PCDHA10: variants seen among roughly 807,000 people sequenced by gnomAD.
The protein encoded by PCDHA10 is protocadherin alpha-10.
PCDHA10 carries 45 observed loss-of-function variants against 61.2 expected under a neutral mutation model. That is an observed-to-expected ratio of 0.74 (90% CI 0.58 to 0.94). PCDHA10 has a LOEUF of 0.94. PCDHA10 is among the 40% of genes least tolerant of loss of function. The pLI, the probability that PCDHA10 is intolerant of heterozygous loss-of-function variation, is 0.00. For missense variants in PCDHA10, 1,278 were observed against 1,236.2 expected (o/e 1.03, Z -0.51); for synonymous variants, 602 against 548.8 (o/e 1.10, Z -1.35).
intron 1 of PCDHA10, among the ~76,000 whole-genome samples, chr5:140,956,898 T>G (rs1554222699): frequency 6.6e-6 from 1 of 152,218 alleles, no homozygotes; most frequent in Admixed American, 6.6e-5. Flanking sequence ...ATGAATATTC[T>G]TAAATGTATA....
chr5:140,901,970 G>A (rs1178784932), intron 1 of PCDHA10, among the ~76,000 whole-genome samples: 1 of 151,954 alleles, frequency 6.6e-6, no homozygotes, highest in Non-Finnish European at 1.5e-5. Context: ...TCGTAAATGG[G>A]ATTACTTTTT....
intron 1 of PCDHA10, among the ~76,000 whole-genome samples, chr5:140,932,087 A>G (rs1262295013): frequency 6.6e-6 from 1 of 151,918 alleles, no homozygotes; most frequent in African/African-American, 2.4e-5. Flanking sequence ...TCAGGAAAAC[A>G]TGGTTTTTAT....
intron 1 of PCDHA10, chr5:140,967,890 C>G: frequency 6.2e-7 from 1 of 1,614,176 alleles, no homozygotes; most frequent in Non-Finnish European, 8.5e-7. Context: ...AGCCCAGTGC[C>G]TGAGAATGCT....
chr5:140,949,764 G>A (rs1168507534), intron 1 of PCDHA10, among the ~76,000 whole-genome samples: 2 of 151,746 alleles, frequency 1.3e-5, no homozygotes, highest in African/African-American at 2.4e-5. Flanking sequence ...TCACATTAGT[G>A]TAATATTTGA....
At chr5:140,876,015 A>G (rs1479938988) in intron 1 of PCDHA10, 3 of 1,613,662 alleles carry the variant, frequency 1.9e-6, no homozygotes, top group Non-Finnish European at 2.5e-6. Flanking sequence ...TTGAGCTTAA[A>G]ATAAAAACAA....
chr5:140,970,834 T>C lies in PCDHA10; in HGVS notation c.2389-8115T>C, dbSNP rs566411727. 8.6e-5 allele frequency among the ~76,000 whole-genome samples: 13 copies of C among 151,290 alleles called. No homozygotes were observed. The South Asian group carries it at 1.2e-3, about 14-fold the overall frequency. ...AAGTTCATGGTAATCTTGAGGAATG[T>C]AATGCACAGGCACAAAAGTTCCATT... On this transcript the variant is annotated intron_variant, in intron 1 of 3. Transcript: ENST00000307360.
At chr5:140,997,044 T>C (rs2097756836) in intron 3 of PCDHA10, among the ~76,000 whole-genome samples, 1 of 152,180 alleles carries the variant, frequency 6.6e-6, no homozygotes, top group South Asian at 2.1e-4. Flanking sequence ...TGAACTTTAC[T>C]TTTTAGAGCA....
chr5:140,901,852 T>G (rs1184166361), intron 1 of PCDHA10, among the ~76,000 whole-genome samples: 3 of 152,206 alleles, frequency 2.0e-5, no homozygotes, highest in Non-Finnish European at 4.4e-5. Flanking sequence ...TCTTTCCATT[T>G]TTTTGTGTCC....
chr5:140,901,234 T>C (rs1013983503), intron 1 of PCDHA10, among the ~76,000 whole-genome samples: 1 of 152,156 alleles, frequency 6.6e-6, no homozygotes, highest in Non-Finnish European at 1.5e-5. Flanking sequence ...ATATATCCAT[T>C]TTTTTCCTTT....
chr5:140,869,766 G>A (rs782388204), intron 1 of PCDHA10: 2 of 1,613,210 alleles, frequency 1.2e-6, no homozygotes, highest in Non-Finnish European at 1.7e-6. Flanking sequence ...GAAAACCAGA[G>A]CTTACTGGCA....
chr5:140,890,068 T>C (rs1353953909), intron 1 of PCDHA10, among the ~76,000 whole-genome samples: 2 of 152,196 alleles, frequency 1.3e-5, no homozygotes, highest in African/African-American at 4.8e-5. Flanking sequence ...TTTACTGGCT[T>C]ATGAGAACTG....
At chr5:140,922,866 GA>G (rs557650266) in intron 1 of PCDHA10, among the ~76,000 whole-genome samples, 2 of 152,096 alleles carry the variant, frequency 1.3e-5, no homozygotes, top group Non-Finnish European at 2.9e-5. Flanking sequence ...TAGACAAGGG[GA>G]AAAAATCCAA....
chr5:141,003,254 G>A (rs782245010), intron 3 of PCDHA10, among the ~76,000 whole-genome samples: 17 of 152,190 alleles, frequency 1.1e-4, no homozygotes, highest in Non-Finnish European at 2.1e-4. Flanking sequence ...AAGATTCCTG[G>A]GCAGTGCCTA....
intron 1 of PCDHA10, among the ~76,000 whole-genome samples, chr5:140,939,903 C>T (rs782506444): frequency 6.6e-6 from 1 of 152,046 alleles, no homozygotes; most frequent in African/African-American, 2.4e-5. Flanking sequence ...ATTCTGCATT[C>T]TTTTTTATTC....
intron 3 of PCDHA10, among the ~76,000 whole-genome samples, chr5:141,007,067 G>A (rs1352139121): frequency 1.3e-5 from 2 of 152,164 alleles, no homozygotes; most frequent in African/African-American, 4.8e-5. Flanking sequence ...AAAGGAGAGA[G>A]TGAAGAGAAA....
intron 1 of PCDHA10, chr5:140,969,627 G>A: frequency 1.5e-6 from 1 of 664,866 alleles, no homozygotes; most frequent in Non-Finnish European, 2.5e-6. Flanking sequence ...AGAGAAACAG[G>A]ACAGGCCTTG....
Position 140,982,534 on chromosome 5 carries a change from A to G in PCDHA10, c.2507A>G (p.Gln836Arg), listed in dbSNP as rs1554244431. Residue 836 changes from glutamine (Q) to arginine (R), a missense_variant, in exon 3 of 4, where the codon CAG becomes CGG. By Grantham distance (43) the Gln-to-Arg change is conservative. Transcript: ENST00000307360. ...GCTGGTCCAGGAGGGCCTGATCAGC[A>G]GTGGCCAACAGTATCCAGTGCAACA... ...LRAGPGGPDQ[Q>R]WPTVSSATPE... 1 of 1,614,222 alleles carries G rather than the reference A, an allele frequency of 6.2e-7. No homozygotes were observed. Among genetic ancestry groups the G allele is most frequent in the Non-Finnish European group, 8.5e-7 (1 of 1,180,036 alleles).
At chr5:140,926,554 G>A (rs2083344574) in intron 1 of PCDHA10, 1 of 237,224 alleles carries the variant, frequency 4.2e-6, no homozygotes, top group Non-Finnish European at 8.0e-6. Context: ...CGAGACCCCA[G>A]CCCGCTGCTA....
intron 1 of PCDHA10, among the ~76,000 whole-genome samples, chr5:140,940,595 G>A (rs1233586288): frequency 2.0e-5 from 3 of 152,100 alleles, no homozygotes; most frequent in East Asian, 1.9e-4. Context: ...TTTCAGGCAT[G>A]AGCCGCTGCT....
Sources: allele counts gnomAD v4.1 joint callset (sites outside exome capture counted in the v4.1 genomes callset), GRCh38; gene constraint gnomAD v4.1.1; transcripts MANE v1.5; gene names NCBI Gene and HGNC (gene_info 2026-07-23, HGNC 2026-07-21).